ESRRG: variants seen among roughly 807,000 people sequenced by gnomAD.
The protein encoded by ESRRG is estrogen related receptor gamma.
Under a neutral mutation model 44.0 loss-of-function variants are expected in ESRRG, and 13 were observed. The ratio of observed to expected loss-of-function variants is 0.30; its 90% CI spans 0.19 to 0.47. The LOEUF is 0.47. ESRRG is among the 20% of genes least tolerant of loss of function. The pLI, the probability that ESRRG is intolerant of heterozygous loss-of-function variation, is 1.00. For synonymous variants in ESRRG, 215 were observed against 214.6 expected (o/e 1.00, Z -0.02); for missense variants, 395 against 580.6 (o/e 0.68, Z 3.29).
chr1:216,860,395 G>A (rs2096029776), intron 2 of ESRRG, among the ~76,000 whole-genome samples: 1 of 152,102 alleles, frequency 6.6e-6, no homozygotes, highest in Admixed American at 6.6e-5. Flanking sequence ...CTACAGATTA[G>A]TGAAGCTCTG....
chr1:216,657,541 G>A (rs2070946843), intron 2 of ESRRG, among the ~76,000 whole-genome samples: 1 of 152,106 alleles, frequency 6.6e-6, no homozygotes, highest in Non-Finnish European at 1.5e-5. Flanking sequence ...TAAATTTTAA[G>A]TCTACCCTTA....
intron 3 of ESRRG, among the ~76,000 whole-genome samples, chr1:216,634,930 A>G (rs1486179572): frequency 6.6e-6 from 1 of 152,178 alleles, no homozygotes; most frequent in Non-Finnish European, 1.5e-5. Flanking sequence ...CATCTGCACT[A>G]TGGAAGCCTA....
intron 2 of ESRRG, among the ~76,000 whole-genome samples, chr1:216,756,916 C>T (rs1320464218): frequency 2.0e-5 from 3 of 151,884 alleles, no homozygotes; most frequent in Non-Finnish European, 4.4e-5. Flanking sequence ...AACATTATCA[C>T]AAATAGGCCC....
chr1:216,705,316 A>G (rs529217860), intron 1 of ESRRG, among the ~76,000 whole-genome samples: 1 of 152,116 alleles, frequency 6.6e-6, no homozygotes, highest in Admixed American at 6.5e-5. Flanking sequence ...TATAATTGAC[A>G]TAGAAATTAT....
chr1:216,687,055 G>T (rs565871639), intron 1 of ESRRG, among the ~76,000 whole-genome samples: 171 of 148,472 alleles, frequency 1.2e-3, no homozygotes, highest in African/African-American at 4.3e-3. Context: ...GTCTGTGTGT[G>T]TGTGTGTGTG....
chr1:216,615,934 C>A (rs1332557533), intron 3 of ESRRG, among the ~76,000 whole-genome samples: 3 of 152,098 alleles, frequency 2.0e-5, no homozygotes, highest in African/African-American at 7.2e-5. Flanking sequence ...GATCTGCCCG[C>A]CTCGGCCTCC....
chr1:216,690,615 T>C (rs2078885981), intron 1 of ESRRG, among the ~76,000 whole-genome samples: 1 of 152,068 alleles, frequency 6.6e-6, no homozygotes, highest in Non-Finnish European at 1.5e-5. Context: ...TAAAAGGTAA[T>C]CTAAAAAAAA....
At chr1:216,855,520 C>A (rs2095916427) in intron 2 of ESRRG, among the ~76,000 whole-genome samples, 1 of 152,128 alleles carries the variant, frequency 6.6e-6, no homozygotes, top group East Asian at 1.9e-4. Flanking sequence ...TAACGTAGAA[C>A]CTGAGGCCAG....
chr1:216,939,896 C>T (rs1259485393), intron 1 of ESRRG, among the ~76,000 whole-genome samples: 2 of 152,052 alleles, frequency 1.3e-5, no homozygotes, highest in African/African-American at 4.8e-5. Flanking sequence ...AAGGTACAGT[C>T]CTCATTTCTT....
chr1:216,702,333 C>T (rs1465627872), intron 1 of ESRRG, among the ~76,000 whole-genome samples: 1 of 152,140 alleles, frequency 6.6e-6, no homozygotes, highest in East Asian at 1.9e-4. Context: ...GAGACATTCA[C>T]AGCCAGTAGG....
chr1:216,971,608 T>C (rs2071680703), intron 1 of ESRRG, among the ~76,000 whole-genome samples: 1 of 152,248 alleles, frequency 6.6e-6, no homozygotes, highest in Non-Finnish European at 1.5e-5. Flanking sequence ...ATTAGCTATT[T>C]AAAATTATTG....
Position 216,549,991 on chromosome 1 carries a change from G to A in ESRRG, c.862+14228C>T, listed in dbSNP as rs11572796. On this transcript the variant is annotated intron_variant, in intron 5 of 6. Transcript: ENST00000408911. Reference sequence around the variant, plus strand: ...TGGCATCTGACTGCAACAGCCGTGCGGAAGTCAGTTCAAGTCCTTACATCA... The same window carrying A: ...TGGCATCTGACTGCAACAGCCGTGCAGAAGTCAGTTCAAGTCCTTACATCA... Among the ~76,000 whole-genome samples the A allele has an allele frequency of 7.3e-3, 1,113 of 152,174 alleles. 6 individuals are homozygous for A. The highest frequency in any genetic ancestry group is 0.025 in the African/African-American group (1,052 of 41,550).
At chr1:216,519,510 C>T in intron 5 of ESRRG, 89 bp from the exon 6 acceptor site, 1 of 1,271,270 alleles carries the variant, frequency 7.9e-7, no homozygotes, top group African/African-American at 1.5e-5. Context: ...GCTTCTGCAT[C>T]AGTGCTCAAA....
At chr1:216,645,794 C>T (rs2067430530) in intron 3 of ESRRG, among the ~76,000 whole-genome samples, 1 of 149,688 alleles carries the variant, frequency 6.7e-6, no homozygotes, top group Admixed American at 6.7e-5. Context: ...ATCACTTGAG[C>T]TCCAGAGGTC....
At chr1:216,894,501 T>A (rs1171888384) in intron 2 of ESRRG, among the ~76,000 whole-genome samples, 1 of 152,158 alleles carries the variant, frequency 6.6e-6, no homozygotes, top group Non-Finnish European at 1.5e-5. Flanking sequence ...GTAGAGTAGC[T>A]GTGTTTATTT....
chr1:216,738,205 C>A (rs2090222882), intron 2 of ESRRG, among the ~76,000 whole-genome samples: 1 of 151,968 alleles, frequency 6.6e-6, no homozygotes, highest in Non-Finnish European at 1.5e-5. Flanking sequence ...CTGCAGCCAA[C>A]ATTAAAAAGA....
chr1:216,542,830 C>A (rs1331457043), intron 5 of ESRRG, among the ~76,000 whole-genome samples: 1 of 151,964 alleles, frequency 6.6e-6, no homozygotes, highest in African/African-American at 2.4e-5. Context: ...ATGTCTCATG[C>A]ATGAATAATC....
chr1:216,831,812 G>A (rs1044873490), intron 2 of ESRRG, among the ~76,000 whole-genome samples: 2 of 113,670 alleles, frequency 1.8e-5, no homozygotes, highest in Non-Finnish European at 4.7e-5. Flanking sequence ...GGTCAGAAAT[G>A]GGGTGAAAAT....
rs79030156 is a variant in ESRRG at position 216,894,914 on chromosome 1, T to A, written c.-14+44668A>T. On this transcript the variant is annotated intron_variant, in intron 2 of 7. Transcript: ENST00000359162. ...CTCCCCCATCCACGTTAATTTTTTT[T>A]AAAAAGATTTAAACTTGCTAAAATA... Among the ~76,000 whole-genome samples, 1,272 of 152,272 alleles carry A rather than the reference T, an allele frequency of 8.4e-3. 18 individuals are homozygous for A. The highest frequency in any genetic ancestry group is 0.029 in the African/African-American group (1,205 of 41,540).
Sources: gnomAD v4.1 joint callset for allele counts (sites outside exome capture counted in the v4.1 genomes callset) on GRCh38, gnomAD v4.1.1 for gene constraint, MANE v1.5 for transcripts, NCBI Gene and HGNC (gene_info 2026-07-23, HGNC 2026-07-21) for gene names.